The following HGF variants were observed in gnomAD, a reference collection of about 807,000 sequenced individuals.
HGF encodes fibroblast-derived tumor cytotoxic factor.
In HGF, 39 loss-of-function variants were observed where a neutral mutation model predicts 111.6. The observed-to-expected ratio is 0.35, with a 90% confidence interval of 0.27 to 0.46. The LOEUF (loss-of-function observed/expected upper bound fraction) is 0.46. Among genes scored for constraint, HGF ranks in the 20% least tolerant of loss-of-function variants. The pLI, the probability that HGF is intolerant of heterozygous loss-of-function variation, is 1.00. For missense variants in HGF, 735 were observed against 910.5 expected (o/e 0.81, Z 2.48); for synonymous variants, 285 against 294.8 (o/e 0.97, Z 0.34).
rs1315332617 is a variant in HGF at position 81,720,778 on chromosome 7, G to A, written c.1238C>T (p.Ser413Leu). 1 of 1,612,776 alleles carries A rather than the reference G, an allele frequency of 6.2e-7. No homozygotes were observed. The highest frequency in any genetic ancestry group is 1.3e-5 in the African/African-American group (1 of 74,874). The change falls in exon 10 of 18, where the codon TCA becomes TTA. Residue 413 changes from serine (S) to leucine (L), a missense_variant. Physicochemically the swap from Ser to Leu is moderately radical, Grantham distance 145. Around this residue, in one of 3 missense-constraint regions of HGF, gnomAD observed 553 missense variants for 685.6 expected, o/e 0.81. Transcript: ENST00000222390. ...GTCTTCCATGTTCTTGTCCCACATT[G>A]AACATGTTAGTCCAGATCTTGTTTG... ...LSQTRSGLTCSMWDKNMEDLH... is the reference protein window; with the variant it reads ...LSQTRSGLTCLMWDKNMEDLH...
chr7:81,710,239 G>A lies in HGF; in HGVS notation c.1449C>T (p.Pro483=), dbSNP rs375872396. 9.9e-6 allele frequency: 16 copies of A among 1,608,596 alleles called. No homozygotes were observed. Among genetic ancestry groups the A allele is most frequent in the East Asian group, 2.2e-5 (1 of 44,856 alleles). ...GTTTCGTTTTGGCACAAGATATTAC[G>A]GGATCTGAAACAGGACCAAACATAA... ...TTPTIVNLDH[P]VISCAKTKQL... is the part of the protein sequence containing the mutation. The change falls in exon 13 of 18, where the codon CCC becomes CCT. Residue 483 remains proline, a synonymous_variant. Coordinates refer to ENST00000222390, the MANE Select transcript of HGF (RefSeq NM_000601.6).
At chr7:81,768,399 A>G (rs1353795839) in intron 1 of HGF, among the ~76,000 whole-genome samples, 2 of 152,066 alleles carry the variant, frequency 1.3e-5, no homozygotes, top group East Asian at 3.9e-4. Flanking sequence ...CTTCTTCTTG[A>G]GATGGAGTCT....
chr7:81,741,114 C>A lies in HGF; in HGVS notation c.865+2239G>T, dbSNP rs370083733. Among the ~76,000 whole-genome samples, 12 of 152,194 alleles carry A rather than the reference C, an allele frequency of 7.9e-5. No individual in the cohort carries two copies. In the East Asian group the frequency reaches 1.7e-3, roughly 22 times the overall value. On this transcript the variant is annotated intron_variant, in intron 7 of 17. Coordinates refer to ENST00000222390, the MANE Select transcript of HGF (RefSeq NM_000601.6). ...GGTTTCCAGAATGTCAATTTTATTT[C>A]ATCCACTTTAATAGAAGTATCGTCT...
chr7:81,713,777 T>C (rs6467865), intron 11 of HGF, among the ~76,000 whole-genome samples: 113,220 of 151,892 alleles, frequency 0.75, 42,999 homozygotes, highest in Middle Eastern at 0.89. Context: ...TCTATGCCTT[T>C]TCCATTTCAC....
chr7:81,757,624 G>T (rs906154801), intron 3 of HGF, among the ~76,000 whole-genome samples: 5 of 151,974 alleles, frequency 3.3e-5, no homozygotes, highest in African/African-American at 7.2e-5. Flanking sequence ...ACCATTTTAA[G>T]AAAATATTAA....
chr7:81,711,415 A>G, intron 12 of HGF, 66 bp downstream of exon 12: 2 of 830,334 alleles, frequency 2.4e-6, no homozygotes, highest in Non-Finnish European at 3.8e-6. Context: ...TTTGAAAGAA[A>G]TAATGACACT....
chr7:81,759,755 C>T (rs1788968531), intron 2 of HGF, among the ~76,000 whole-genome samples: 2 of 152,040 alleles, frequency 1.3e-5, no homozygotes, highest in East Asian at 1.9e-4. Flanking sequence ...CTACCCGCCT[C>T]GGCCTCCCAA....
intron 3 of HGF, among the ~76,000 whole-genome samples, chr7:81,757,878 C>G (rs1009479802): frequency 1.3e-5 from 2 of 151,730 alleles, no homozygotes; most frequent in Admixed American, 1.3e-4. Flanking sequence ...AGCTAGAAGA[C>G]AGTTTGAAGT....
intron 7 of HGF, chr7:81,742,744 CAT>C: frequency 6.8e-7 from 1 of 1,477,980 alleles, no homozygotes; most frequent in Non-Finnish European, 9.0e-7. Context: ...TAAGGGCCAG[CAT>C]GTAGAAAAAT....
chr7:81,735,564 A>C (rs1258445965), intron 7 of HGF, among the ~76,000 whole-genome samples: 1 of 152,070 alleles, frequency 6.6e-6, no homozygotes, highest in Non-Finnish European at 1.5e-5. Context: ...ATTTGTAAAA[A>C]ATATTTTCTC....
chr7:81,731,678 A>G (rs1787660941), intron 7 of HGF, among the ~76,000 whole-genome samples: 1 of 152,152 alleles, frequency 6.6e-6, no homozygotes, highest in Non-Finnish European at 1.5e-5. Context: ...TAACTGTTAA[A>G]TGATATGAGG....
intron 14 of HGF, among the ~76,000 whole-genome samples, chr7:81,706,935 A>T (rs5745747): frequency 6.6e-6 from 1 of 151,792 alleles, no homozygotes; most frequent in African/African-American, 2.4e-5. Flanking sequence ...TACAGGAGAA[A>T]GAAGTAGTGA....
rs770990582 is a variant in HGF at position 81,736,784 on chromosome 7, A to G, written c.865+6569T>C. On this transcript the variant is annotated intron_variant, in intron 7 of 17. Transcript: ENST00000222390. ...TGGAGAGAAATGTGGAGGTATATGA[A>G]GTCACATATAAGGTTAGAAATATAG... is the stretch of plus-strand genomic sequence containing the variant. 4 of 461,976 alleles carry G rather than the reference A, an allele frequency of 8.7e-6. 1 individual carries two copies. The highest frequency in any genetic ancestry group is 6.2e-5 in the South Asian group (4 of 64,696). 28.6% of individuals were successfully genotyped at this position (461,976 alleles called of 1,614,324 possible).
rs770529881 is a variant in HGF, at chr7:81,752,073, C to T, written c.625+47G>A. The T allele has an allele frequency of 2.5e-6, 4 of 1,611,986 alleles. No individual in the cohort carries two copies. In the Admixed American group the frequency reaches 6.7e-5, roughly 27 times the overall value. ...ACCTTTAATGTGAGTTACAGTTCTA[C>T]ACATAGGGGGAATAGAATGGCCCAC... On this transcript the variant is annotated intron_variant, in intron 5 of 17. Transcript: ENST00000222390.
chr7:81,731,115 G>A (rs73712324), intron 7 of HGF, among the ~76,000 whole-genome samples: 5,807 of 152,148 alleles, frequency 0.038, 399 homozygotes, highest in African/African-American at 0.13. Flanking sequence ...TGCATTCTAT[G>A]AGCTAACCTA....
At chr7:81,726,755 G>GA (rs1350693308) in intron 8 of HGF, among the ~76,000 whole-genome samples, 4 of 151,646 alleles carry the variant, frequency 2.6e-5, no homozygotes, top group South Asian at 2.1e-4. Context: ...TTCCTAATAA[G>GA]AAAAAAATCT....
intron 10 of HGF, among the ~76,000 whole-genome samples, chr7:81,719,409 C>A (rs1470441856): frequency 2.0e-5 from 3 of 152,136 alleles, no homozygotes; most frequent in Admixed American, 1.3e-4. Flanking sequence ...CTTTGAAGTC[C>A]TAGAACTCCA....
rs2115765538 is a variant in HGF, at chr7:81,705,676, C to A, written c.1835G>T (p.Cys612Phe). The A allele has an allele frequency of 6.2e-7, 1 of 1,611,728 alleles. No homozygotes were observed. Among genetic ancestry groups the A allele is most frequent in the Non-Finnish European group, 8.5e-7 (1 of 1,178,178 alleles). ...YGCTIPEKTS[C>F]SVYGWGYTGL... ...AGTGTAGCCCCAGCCATAAACACTG[C>A]AACTGGTCTTTTCAGGAATTGTGCA... The change falls in exon 16 of 18, where the codon TGC becomes TTC. Residue 612 changes from cysteine to phenylalanine, a missense_variant. By Grantham distance (205) the Cys-to-Phe change is radical. This residue lies in a region of HGF where 130 missense variants were observed against 129.9 expected (regional missense o/e 1.00). Coordinates refer to ENST00000222390, the MANE Select transcript of HGF (RefSeq NM_000601.6).
intron 5 of HGF, chr7:81,751,689 TG>T: frequency 3.9e-6 from 4 of 1,031,252 alleles, no homozygotes; most frequent in Non-Finnish European, 4.7e-6. Flanking sequence ...CATATACCCT[TG>T]TCACACCACT....
Sources: gnomAD v4.1 joint callset for allele counts (sites outside exome capture counted in the v4.1 genomes callset) on GRCh38, gnomAD v4.1.1 for gene constraint, gnomAD v4.1.1 regional missense constraint, MANE v1.5 for transcripts, NCBI Gene and HGNC (gene_info 2026-07-23, HGNC 2026-07-21) for gene names.